The following AUTS2 variants were observed in gnomAD, a reference collection of about 807,000 sequenced individuals.
AUTS2 encodes activator of transcription and developmental regulator AUTS2.
In AUTS2, 17 loss-of-function variants were observed where a neutral mutation model predicts 112.4. The observed-to-expected ratio is 0.15, with a 90% confidence interval of 0.10 to 0.23. AUTS2 has a LOEUF of 0.23. AUTS2 is among the 10% of genes least tolerant of loss of function. The pLI, the probability that AUTS2 is intolerant of heterozygous loss-of-function variation, is 1.00. For missense variants in AUTS2, 1,510 were observed against 1,701.6 expected, an observed-to-expected ratio of 0.89 and a Z score of 1.98; for synonymous variants, 751 against 702.7, an observed-to-expected ratio of 1.07 and a Z score of -1.09.
chr7:70,111,891 T>A (rs144413369), intron 2 of AUTS2, among the ~76,000 whole-genome samples: 45 of 152,210 alleles, frequency 3.0e-4, no homozygotes, highest in African/African-American at 1.0e-3. Context: ...TTAAATGTGT[T>A]AGAGGTGTAT....
intron 2 of AUTS2, among the ~76,000 whole-genome samples, chr7:70,073,581 A>G (rs1702092596): frequency 6.6e-6 from 1 of 151,988 alleles, no homozygotes; most frequent in African/African-American, 2.4e-5. Context: ...TTATATTCCA[A>G]CATTTTGCCA....
chr7:70,625,979 C>T (rs1366035939), intron 5 of AUTS2, among the ~76,000 whole-genome samples: 2 of 152,016 alleles, frequency 1.3e-5, no homozygotes. Context: ...GTGATGCAAT[C>T]TCAGCTCACT....
At chr7:70,673,181 A>G (rs1009385506) in intron 5 of AUTS2, among the ~76,000 whole-genome samples, 4 of 152,142 alleles carry the variant, frequency 2.6e-5, no homozygotes, top group African/African-American at 9.7e-5. Context: ...GTTGGCCCAT[A>G]TGCCCCCCAG....
chr7:69,930,849 T>C (rs1192301278), intron 2 of AUTS2, among the ~76,000 whole-genome samples: 2 of 152,114 alleles, frequency 1.3e-5, no homozygotes, highest in Non-Finnish European at 2.9e-5. Flanking sequence ...CACTAAAAAA[T>C]AGTAAAATCA....
intron 5 of AUTS2, among the ~76,000 whole-genome samples, chr7:70,662,045 G>T (rs532403903): frequency 2.6e-5 from 4 of 152,194 alleles, no homozygotes; most frequent in East Asian, 1.9e-4. Context: ...GCAGACAATG[G>T]GGGGGCAGAC....
At chr7:70,430,718 C>A (rs1397073733) in intron 4 of AUTS2, among the ~76,000 whole-genome samples, 2 of 150,584 alleles carry the variant, frequency 1.3e-5, no homozygotes, top group Non-Finnish European at 2.9e-5. Context: ...TGAATGGGTG[C>A]AAAGGGAAAA....
At chr7:69,810,683 G>A (rs1037174131) in intron 1 of AUTS2, among the ~76,000 whole-genome samples, 1 of 152,060 alleles carries the variant, frequency 6.6e-6, no homozygotes, top group African/African-American at 2.4e-5. Flanking sequence ...TCTTCCTTCC[G>A]TTTGAATATG....
intron 4 of AUTS2, among the ~76,000 whole-genome samples, chr7:70,314,780 A>C (rs901687982): frequency 6.6e-6 from 1 of 152,154 alleles, no homozygotes. Flanking sequence ...GGAGAAAAAC[A>C]TGTTCTTCAT....
chr7:69,877,549 G>A lies in AUTS2; in HGVS notation c.310-21737G>A, dbSNP rs146886611. Among the ~76,000 whole-genome samples, 321 of 152,216 alleles carry A rather than the reference G, an allele frequency of 2.1e-3. 3 individuals carry two copies. Among genetic ancestry groups the A allele is most frequent in the African/African-American group, 7.6e-3 (314 of 41,520 alleles). On this transcript the variant is annotated intron_variant, in intron 1 of 18. Transcript: ENST00000342771. ...TGGGTGATGCTGAGGCTTGGGGTATGAATGACCCCGTCACCCAGGTACTAA... is the reference window on the plus strand; with the variant it reads ...TGGGTGATGCTGAGGCTTGGGGTATAAATGACCCCGTCACCCAGGTACTAA...
chr7:70,370,249 T>TCACCATAATCAA (rs1792779647), intron 4 of AUTS2, among the ~76,000 whole-genome samples: 1 of 152,182 alleles, frequency 6.6e-6, no homozygotes, highest in Non-Finnish European at 1.5e-5. Flanking sequence ...TGTGCATTCA[T>TCACCATAATCAA]CACCATAATC....
chr7:70,600,821 TGA>T (rs1803439598), intron 5 of AUTS2, among the ~76,000 whole-genome samples: 1 of 152,326 alleles, frequency 6.6e-6, no homozygotes, highest in East Asian at 1.9e-4. Context: ...CTTAACGTTT[TGA>T]GAGTCAGCCA....
At chr7:69,709,563 A>C (rs1798224251) in intron 1 of AUTS2, among the ~76,000 whole-genome samples, 1 of 152,186 alleles carries the variant, frequency 6.6e-6, no homozygotes, top group Admixed American at 6.5e-5. Context: ...AAGATGATGA[A>C]AAGAGACATT....
At chr7:69,757,385 A>G (rs894274510) in intron 1 of AUTS2, among the ~76,000 whole-genome samples, 12 of 152,176 alleles carry the variant, frequency 7.9e-5, no homozygotes, top group Admixed American at 3.3e-4. Context: ...ATAGGCTGTG[A>G]TTTCACTTTA....
chr7:69,694,329 A>T (rs887002404), intron 1 of AUTS2, among the ~76,000 whole-genome samples: 3 of 152,142 alleles, frequency 2.0e-5, no homozygotes, highest in East Asian at 1.9e-4. Flanking sequence ...TCTACTTTTT[A>T]AAAATTATAA....
intron 1 of AUTS2, among the ~76,000 whole-genome samples, chr7:69,884,519 ATC>A (rs1794192984): frequency 6.6e-6 from 1 of 152,152 alleles, no homozygotes; most frequent in Non-Finnish European, 1.5e-5. Flanking sequence ...GTCTCTATTG[ATC>A]TTTTCTGAAT....
chr7:70,065,420 A>G (rs1437136992), intron 2 of AUTS2, among the ~76,000 whole-genome samples: 1 of 152,154 alleles, frequency 6.6e-6, no homozygotes, highest in Non-Finnish European at 1.5e-5. Context: ...ATTGCCAGGC[A>G]CGGTGGCTAA....
intron 2 of AUTS2, among the ~76,000 whole-genome samples, chr7:70,006,826 C>G (rs1168329452): frequency 6.6e-6 from 1 of 152,050 alleles, no homozygotes; most frequent in Non-Finnish European, 1.5e-5. Context: ...TGCACAAGCC[C>G]CATCTCTGTG....
intron 2 of AUTS2, among the ~76,000 whole-genome samples, chr7:69,931,430 A>G (rs1325182324): frequency 6.6e-6 from 1 of 152,214 alleles, no homozygotes; most frequent in Admixed American, 6.5e-5. Flanking sequence ...TTGCTGTGAA[A>G]GAGCTGTCAG....
chr7:70,793,470 AAAC>A lies in AUTS2; in HGVS notation c.*2477_*2479del, dbSNP rs2129562162. On this transcript the variant is annotated 3_prime_UTR_variant, in exon 19 of 19. Coordinates refer to ENST00000342771, the MANE Select transcript of AUTS2 (RefSeq NM_015570.4). ...TTTGTTTTTTTCCATGATGTTAAAAAAACAAAAAAATGTTAAATTTTCTTATAC... is the reference window on the plus strand; with the variant it reads ...TTTGTTTTTTTCCATGATGTTAAAAAAAAAAAATGTTAAATTTTCTTATAC... The A allele has an allele frequency of 6.6e-6, 1 of 152,316 alleles. No individual in the cohort carries two copies. The highest frequency in any genetic ancestry group is 2.1e-4 in the South Asian group (1 of 4,826). The allele number at this position is 152,316 out of a possible 1,614,324, so 9.4% of individuals were successfully genotyped here.
Sources: gnomAD v4.1 joint callset for allele counts (sites outside exome capture counted in the v4.1 genomes callset) on GRCh38, gnomAD v4.1.1 for gene constraint, MANE v1.5 for transcripts, NCBI Gene and HGNC (gene_info 2026-07-23, HGNC 2026-07-21) for gene names.